Variants in FRRS1 observed in about 807,000 individuals in gnomAD.
FRRS1 encodes ferric chelate reductase 1, also known as ferric reductase 1.
In FRRS1, 51 loss-of-function variants were observed where a neutral mutation model predicts 70.7. The ratio of observed to expected loss-of-function variants is 0.72; its 90% CI spans 0.58 to 0.91. The LOEUF is 0.91. Ranked by LOEUF, FRRS1 falls within the 40% of genes least tolerant of loss-of-function variation. The pLI is 0.00. For synonymous variants in FRRS1, 225 were observed against 238.7 expected, an observed-to-expected ratio of 0.94 and a Z score of 0.53; for missense variants, 672 against 726.0, an observed-to-expected ratio of 0.93 and a Z score of 0.86.
intron 4 of FRRS1, among the ~76,000 whole-genome samples, chr1:99,744,969 CAAAAAAAAAAAAAAA>C (rs71075450): frequency 2.2e-5 from 2 of 91,764 alleles, no homozygotes; most frequent in East Asian, 3.4e-4. Context: ...GACTCCGTCT[CAAAAAAAAAAAAAAA>C]AAAAAAAAAA....
At chr1:99,730,792 G>GGGAGGT (rs1553171772) in intron 7 of FRRS1, among the ~76,000 whole-genome samples, 3 of 151,574 alleles carry the variant, frequency 2.0e-5, no homozygotes, top group Non-Finnish European at 4.4e-5. Flanking sequence ...GCGTGAACCC[G>GGGAGGT]GGAGGTGGAG....
At chr1:99,733,610 G>A (rs1321925912) in intron 7 of FRRS1, among the ~76,000 whole-genome samples, 1 of 152,110 alleles carries the variant, frequency 6.6e-6, no homozygotes, top group African/African-American at 2.4e-5. Context: ...AATGAATGGT[G>A]GTAATAAACT....
chr1:99,735,558 A>G lies in FRRS1; in HGVS notation c.759+2528T>C, dbSNP rs749818964. On this transcript the variant is annotated intron_variant, in intron 7 of 16. Transcript: ENST00000646001. ...AAAATAGAAATAACCACTTAAAAAT[A>G]TATTTTGAGGATGATTCATTTCCCC... Among the ~76,000 whole-genome samples the G allele has an allele frequency of 2.0e-5, 3 of 152,208 alleles. No homozygotes were observed. In the East Asian group the frequency reaches 5.8e-4, roughly 29 times the overall value.
At chr1:99,725,432 A>G (rs1655038607) in intron 9 of FRRS1, among the ~76,000 whole-genome samples, 2 of 152,238 alleles carry the variant, frequency 1.3e-5, no homozygotes, top group Admixed American at 6.5e-5. Flanking sequence ...CCCATCCTAG[A>G]GCAGTAAGTT....
At position 99,705,051 on chromosome 1, in the gene FRRS1, A is replaced by G. The variant is rs1429668592; in HGVS notation, c.*3977T>C. Among the ~76,000 whole-genome samples the G allele has an allele frequency of 6.6e-6, 1 of 152,210 alleles. No homozygotes were observed. The highest frequency in any genetic ancestry group is 1.5e-5 in the Non-Finnish European group (1 of 68,028). ...AAGGCAGGGGTCTAATTGAGCTAACACAAGCTAACTATGGACAGCTAAACT... is the reference window on the plus strand; with the variant it reads ...AAGGCAGGGGTCTAATTGAGCTAACGCAAGCTAACTATGGACAGCTAAACT... On this transcript the variant is annotated 3_prime_UTR_variant, in exon 17 of 17. Coordinates refer to ENST00000646001, the MANE Select transcript of FRRS1 (RefSeq NM_001361041.2).
rs1475804029 is a variant in FRRS1, at chr1:99,704,726, A to T, written c.*4302T>A. On this transcript the variant is annotated 3_prime_UTR_variant, in exon 17 of 17. Coordinates refer to ENST00000646001, the MANE Select transcript of FRRS1 (RefSeq NM_001361041.2). ...ACACAAGCAGCTGGACAGCGAGAGG[A>T]TGTGGATGGGAGCACGCCAGAGGAA... 6.6e-6 allele frequency among the ~76,000 whole-genome samples: 1 copy of T among 151,606 alleles called. No homozygotes were observed. Among genetic ancestry groups the T allele is most frequent in the African/African-American group, 2.4e-5 (1 of 41,302 alleles).
At chr1:99,720,113 A>G (rs1654741230) in intron 9 of FRRS1, among the ~76,000 whole-genome samples, 1 of 152,202 alleles carries the variant, frequency 6.6e-6, no homozygotes, top group Admixed American at 6.5e-5. Flanking sequence ...GATGGTTGGA[A>G]GACAAAGAAA....
chr1:99,710,432 A>T (rs1393326370), intron 15 of FRRS1, among the ~76,000 whole-genome samples: 1 of 152,170 alleles, frequency 6.6e-6, no homozygotes, highest in Non-Finnish European at 1.5e-5. Context: ...AATAGGTCAA[A>T]GTTGTCTGCA....
chr1:99,725,367 T>C (rs1014545046), intron 9 of FRRS1, among the ~76,000 whole-genome samples: 1 of 152,240 alleles, frequency 6.6e-6, no homozygotes, highest in East Asian at 1.9e-4. Flanking sequence ...GTTCTAGTAT[T>C]GTTCCCTGTA....
chr1:99,712,991 C>T (rs1183780116), intron 12 of FRRS1, among the ~76,000 whole-genome samples: 1 of 152,104 alleles, frequency 6.6e-6, no homozygotes, highest in Non-Finnish European at 1.5e-5. Context: ...CCATCTGCAG[C>T]CCAGCTGGGA....
chr1:99,747,522 C>A, intron 3 of FRRS1, 92 bp from the exon 4 acceptor site: 2 of 1,185,920 alleles, frequency 1.7e-6, no homozygotes, highest in East Asian at 4.8e-5. Context: ...ATGAGGTCTA[C>A]ATATGCAAAA....
intron 8 of FRRS1, 108 bp from the exon 9 acceptor site, chr1:99,728,748 T>TG: frequency 2.3e-6 from 2 of 855,672 alleles, no homozygotes; most frequent in Non-Finnish European, 3.5e-6. Context: ...AGATCGTATG[T>TG]CCATGCTTTG....
chr1:99,723,547 A>T (rs1654939413), intron 9 of FRRS1, among the ~76,000 whole-genome samples: 1 of 152,158 alleles, frequency 6.6e-6, no homozygotes, highest in African/African-American at 2.4e-5. Flanking sequence ...AATTATGTCT[A>T]AAGTTTATCT....
intron 12 of FRRS1, 42 bp from the exon 13 acceptor site, chr1:99,712,557 A>C: frequency 4.7e-6 from 5 of 1,067,266 alleles, no homozygotes; most frequent in Non-Finnish European, 7.0e-6. Flanking sequence ...AATCTCTCTC[A>C]TCAATTTAAA....
At position 99,710,829 on chromosome 1, in the gene FRRS1, T is replaced by C. The variant is rs377320902; in HGVS notation, c.1601A>G (p.His534Arg). 6.2e-5 allele frequency: 100 copies of C among 1,614,008 alleles called. No homozygotes were observed. The highest frequency in any genetic ancestry group is 1.6e-4 in the Middle Eastern group (1 of 6,062). Residue 534 changes from histidine (H) to arginine (R), a missense_variant, in exon 15 of 17, where the codon CAT becomes CGT. By Grantham distance (29) the His-to-Arg change is conservative. Transcript: ENST00000646001. Reference protein sequence around the residue: ...HVGTEVVLEVHAYRLSRKVEI... With the variant: ...HVGTEVVLEVRAYRLSRKVEI... ...ACCTTTGCGAGAGAGCCGATAAGCA[T>C]GTACCTCCAGAACAACCTCAGTCCC...
intron 1 of FRRS1, among the ~76,000 whole-genome samples, chr1:99,760,991 A>G (rs1483476000): frequency 6.6e-6 from 1 of 152,186 alleles, no homozygotes; most frequent in Non-Finnish European, 1.5e-5. Context: ...GTTTGAGTGA[A>G]AGTAAGACAA....
Position 99,705,086 on chromosome 1 carries a change from C to T in FRRS1, c.*3942G>A, listed in dbSNP as rs1034566514. On this transcript the variant is annotated 3_prime_UTR_variant, in exon 17 of 17. Transcript: ENST00000646001. Reference sequence around the variant, plus strand: ...TATGGACAGCTAAACTAAAAGAGCACGTGGTAACACATGCCCACTGGGGCT... The same window carrying T: ...TATGGACAGCTAAACTAAAAGAGCATGTGGTAACACATGCCCACTGGGGCT... 4.6e-5 allele frequency among the ~76,000 whole-genome samples: 7 copies of T among 152,214 alleles called. No individual in the cohort carries two copies. Among genetic ancestry groups the T allele is most frequent in the African/African-American group, 1.7e-4 (7 of 41,454 alleles).
intron 4 of FRRS1, among the ~76,000 whole-genome samples, chr1:99,744,024 C>A (rs986785833): frequency 2.7e-5 from 4 of 145,608 alleles, no homozygotes; most frequent in Admixed American, 2.1e-4. Context: ...TGCAGTTGCC[C>A]GCCATATCAA....
intron 9 of FRRS1, among the ~76,000 whole-genome samples, chr1:99,725,763 A>G (rs1655054553): frequency 6.6e-6 from 1 of 152,148 alleles, no homozygotes; most frequent in Admixed American, 6.5e-5. Context: ...AAAAGAAAAC[A>G]TGTTCTGATT....
Sources: allele counts gnomAD v4.1 joint callset (sites outside exome capture counted in the v4.1 genomes callset), GRCh38; gene constraint gnomAD v4.1.1; transcripts MANE v1.5; gene names NCBI Gene and HGNC (gene_info 2026-07-23, HGNC 2026-07-21).